The following HSPA14 variants were observed in gnomAD, a reference collection of about 807,000 sequenced individuals.
HSPA14 encodes the protein heat shock 70 kDa protein 14.
A neutral mutation model predicts 65.5 loss-of-function variants in HSPA14; 37 were observed. The observed-to-expected ratio is 0.56, with a 90% confidence interval of 0.43 to 0.74. The LOEUF (loss-of-function observed/expected upper bound fraction) is 0.74. Ranked by LOEUF, HSPA14 falls within the 30% of genes least tolerant of loss-of-function variation. HSPA14 has a pLI of 0.00. For missense variants in HSPA14, 564 were observed against 607.6 expected (o/e 0.93, Z 0.75); for synonymous variants, 203 against 214.2 (o/e 0.95, Z 0.46).
intron 13 of HSPA14, 71 bp from the exon 14 acceptor site, chr10:14,871,457 T>C (rs1832853817): frequency 1.1e-6 from 1 of 872,576 alleles, no homozygotes; most frequent in Admixed American, 2.3e-5. Context: ...AGCCCTCAAG[T>C]AACTTGTTAC....
intron 10 of HSPA14, among the ~76,000 whole-genome samples, chr10:14,865,027 G>A (rs1832793125): frequency 6.6e-6 from 1 of 152,198 alleles, no homozygotes; most frequent in African/African-American, 2.4e-5. Context: ...ACTGGTGTGA[G>A]ATGGTATCTC....
intron 3 of HSPA14, chr10:14,845,287 C>T (rs1181995448): frequency 1.0e-6 from 1 of 985,244 alleles, no homozygotes; most frequent in East Asian, 1.1e-4. Flanking sequence ...AAAAAGTTTT[C>T]CAATAATCTA....
At chr10:14,862,362 CTTTCT>C (rs1300046737) in intron 10 of HSPA14, among the ~76,000 whole-genome samples, 40 of 145,720 alleles carry the variant, frequency 2.7e-4, no homozygotes, top group South Asian at 1.1e-3. Context: ...TGAGAAAGCT[CTTTCT>C]TTTCTTTTCT....
chr10:14,843,708 A>C, intron 3 of HSPA14: 4 of 1,539,628 alleles, frequency 2.6e-6, no homozygotes, highest in Non-Finnish European at 3.5e-6. Context: ...GGGAGGAAGA[A>C]AAACTGGACA....
chr10:14,841,699 C>G (rs1833973609), intron 3 of HSPA14, among the ~76,000 whole-genome samples: 1 of 152,202 alleles, frequency 6.6e-6, no homozygotes, highest in Non-Finnish European at 1.5e-5. Context: ...TTTGTATTAG[C>G]AGAGCAACTT....
intron 5 of HSPA14, 107 bp from the exon 6 acceptor site, chr10:14,849,614 A>T: frequency 1.1e-6 from 1 of 900,484 alleles, no homozygotes; most frequent in Non-Finnish European, 1.8e-6. Context: ...AAGCAAGTGT[A>T]TTGGGAAATA....
Position 14,849,775 on chromosome 10 carries a change from C to A in HSPA14, c.431C>A (p.Pro144Gln). ...GCAAATGATGTAGTTATTACTGTCC[C>A]GTTTGATTTTGGAGAAAAGCAAAAA... ...SDANDVVITV[P>Q]FDFGEKQKNA... Residue 144 changes from proline (P) to glutamine (Q), a missense_variant, in exon 6 of 14, where the codon CCG becomes CAG. Pro to Gln is a moderately conservative substitution (Grantham distance 76). Coordinates refer to ENST00000378372, the MANE Select transcript of HSPA14 (RefSeq NM_016299.4). The A allele has an allele frequency of 6.2e-7, 1 of 1,613,314 alleles. No individual in the cohort carries two copies. Among genetic ancestry groups the A allele is most frequent in the Non-Finnish European group, 8.5e-7 (1 of 1,179,686 alleles).
At chr10:14,838,797 C>A (rs1833928447) in intron 1 of HSPA14, among the ~76,000 whole-genome samples, 1 of 151,840 alleles carries the variant, frequency 6.6e-6, no homozygotes. Context: ...CTGGGTGTCC[C>A]GGGGGGTCCC....
At chr10:14,851,999 T>A (rs1306831938) in intron 7 of HSPA14, among the ~76,000 whole-genome samples, 2 of 152,208 alleles carry the variant, frequency 1.3e-5, no homozygotes, top group Admixed American at 6.5e-5. Flanking sequence ...ATGTAATATA[T>A]CTACAGAACA....
At chr10:14,866,738 G>A (rs1832810094) in intron 10 of HSPA14, among the ~76,000 whole-genome samples, 1 of 152,022 alleles carries the variant, frequency 6.6e-6, no homozygotes, top group Non-Finnish European at 1.5e-5. Flanking sequence ...AACTTGGACA[G>A]TACAAAATAT....
At position 14,852,467 on chromosome 10, in the gene HSPA14, G is replaced by T. The variant is rs1227728423; in HGVS notation, c.670G>T (p.Asp224Tyr). 1 of 1,613,998 alleles carries T rather than the reference G, an allele frequency of 6.2e-7. No individual in the cohort carries two copies. The highest frequency in any genetic ancestry group is 1.7e-5 in the Admixed American group (1 of 60,020). ...TCGGGTTCTTTCAACAAACACTGAT[G>T]ATAACATCGGTGGTGCACATTTCAC... ...IYRVLSTNTD[D>Y]NIGGAHFTET... The change falls in exon 8 of 14, where the codon GAT becomes TAT. Residue 224 changes from aspartate (D) to tyrosine (Y), a missense_variant. Asp to Tyr is a radical substitution (Grantham distance 160). Transcript: ENST00000378372.
intron 10 of HSPA14, among the ~76,000 whole-genome samples, chr10:14,861,760 C>A (rs1363376659): frequency 3.9e-5 from 6 of 152,006 alleles, no homozygotes; most frequent in Non-Finnish European, 7.4e-5. Context: ...ACACCTGTAA[C>A]CCCAGCACAT....
In HSPA14 at chr10:14,848,792, C is replaced by A. The variant is rs1441643886; in HGVS notation, c.273C>A (p.Val91=). Residue 91 remains valine, a splice_region_variant and synonymous_variant, in exon 5 of 14, where the codon GTC becomes GTA. Transcript: ENST00000378372. The part of the protein sequence containing the change: ...QKYIAESKCL[V]IEKNGKLRYE... ...CATAATTGTAATTTATTTTATAGGT[C>A]ATTGAAAAAAATGGGAAATTACGAT... 9 of 1,521,736 alleles carry A rather than the reference C, an allele frequency of 5.9e-6. No individual in the cohort carries two copies. The South Asian group carries it at 9.6e-5, about 16-fold the overall frequency. 94.3% of individuals were successfully genotyped at this position (1,521,736 alleles called of 1,614,324 possible).
At chr10:14,845,400 A>G in intron 3 of HSPA14, 2 of 985,370 alleles carry the variant, frequency 2.0e-6, no homozygotes, top group South Asian at 9.4e-5. Flanking sequence ...ACATAGGTGG[A>G]GAAATGGTCA....
At chr10:14,843,222 T>G in intron 3 of HSPA14, 2 of 1,001,768 alleles carry the variant, frequency 2.0e-6, no homozygotes, top group South Asian at 1.6e-5. Flanking sequence ...ATTGTCCAGA[T>G]TAAGGAAATG....
intron 8 of HSPA14, among the ~76,000 whole-genome samples, chr10:14,852,815 T>A (rs1438377564): frequency 6.6e-6 from 1 of 152,234 alleles, no homozygotes; most frequent in Non-Finnish European, 1.5e-5. Flanking sequence ...CTTCATGTAG[T>A]GCTCTTCTGT....
chr10:14,845,600 T>TA (rs200654410), intron 3 of HSPA14: 33,453 of 838,162 alleles, frequency 0.04, 570 homozygotes, highest in Admixed American at 0.083. Flanking sequence ...TTATTATTAT[T>TA]TTTTTTTTTT....
Position 14,867,115 on chromosome 10 carries a change from A to T in HSPA14, c.1026A>T (p.Pro342=), listed in dbSNP as rs1416506284. 2.5e-6 allele frequency: 4 copies of T among 1,613,754 alleles called. No individual in the cohort carries two copies. The highest frequency in any genetic ancestry group is 3.4e-6 in the Non-Finnish European group (4 of 1,179,740). ...VVLCGGSSRI[P]KLQQLIKDLF... is the part of the protein sequence containing the mutation. ...TTTGTGGAGGGTCTTCTCGAATCCC[A>T]AAGCTACAGCAACTGATTAAAGATC... The change falls in exon 11 of 14, where the codon CCA becomes CCT. Residue 342 remains proline, a synonymous_variant. Coordinates refer to ENST00000378372, the MANE Select transcript of HSPA14 (RefSeq NM_016299.4).
rs567192550 is a variant in HSPA14 at position 14,871,568 on chromosome 10, G to C, written c.1492G>C (p.Gly498Arg). 1.3e-6 allele frequency: 2 copies of C among 1,598,744 alleles called. No individual in the cohort carries two copies. The highest frequency in any genetic ancestry group is 2.3e-5 in the South Asian group (2 of 88,856). ...LHVTCTDQET[G>R]KCEAISIEIA... is the part of the protein sequence containing the mutation. ...TGTGACATGCACAGATCAAGAAACT[G>C]GAAAATGTGAAGCAATCTCTATTGA... Residue 498 changes from glycine (G) to arginine (R), a missense_variant, in exon 14 of 14, where the codon GGA (glycine) becomes CGA (arginine). Transcript: ENST00000378372.
Sources: gnomAD v4.1 joint callset for allele counts (sites outside exome capture counted in the v4.1 genomes callset) on GRCh38, gnomAD v4.1.1 for gene constraint, MANE v1.5 for transcripts, NCBI Gene and HGNC (gene_info 2026-07-23, HGNC 2026-07-21) for gene names.